Variants in FRRS1L observed in about 807,000 individuals in gnomAD.
The protein encoded by FRRS1L is DOMON domain-containing protein FRRS1L.
In FRRS1L, 22 loss-of-function variants were observed where a neutral mutation model predicts 28.6. The observed-to-expected ratio is 0.77, with a 90% CI of 0.55 to 1.10. FRRS1L has a LOEUF of 1.10. FRRS1L is among the 50% of genes least tolerant of loss of function. The probability of loss-of-function intolerance (pLI) is 0.00; values close to 1 mark genes in which losing one functional copy is unlikely to be tolerated. For missense variants in FRRS1L, 380 were observed against 386.9 expected (o/e 0.98, Z 0.15); for synonymous variants, 158 against 151.4 (o/e 1.04, Z -0.32).
chr9:109,165,804 A>G (rs553916868), intron 1 of FRRS1L, among the ~76,000 whole-genome samples: 1 of 152,126 alleles, frequency 6.6e-6, no homozygotes, highest in Admixed American at 6.5e-5. Flanking sequence ...TTCCTGCTTC[A>G]TTTTTCCCAC....
rs954559327 is a variant in FRRS1L, at chr9:109,136,233, C to T, written c.*1222G>A. 1.9e-5 allele frequency: 2 copies of T among 107,008 alleles called. No homozygotes were observed. The highest frequency in any genetic ancestry group is 5.2e-3 in the Middle Eastern group (1 of 192). The allele number at this position is 107,008 out of a possible 1,614,324, so 6.6% of individuals were successfully genotyped here. ...GGGCGACAAGAGGGAAAATTCATCG[C>T]AAAAAAAAAAAAAAATACATTTTTA... On this transcript the variant is annotated 3_prime_UTR_variant, in exon 5 of 5. Transcript: ENST00000561981.
intron 1 of FRRS1L, among the ~76,000 whole-genome samples, chr9:109,166,101 C>T (rs1327213208): frequency 1.3e-5 from 2 of 152,212 alleles, no homozygotes; most frequent in Non-Finnish European, 2.9e-5. Flanking sequence ...ACACTTCAAA[C>T]CCCAGCTTGA....
At chr9:109,146,027 C>T (rs748811907) in intron 3 of FRRS1L, among the ~76,000 whole-genome samples, 1 of 152,122 alleles carries the variant, frequency 6.6e-6, no homozygotes, top group Non-Finnish European at 1.5e-5. Context: ...GAAACCTCGT[C>T]TCTACTAAAA....
In FRRS1L at chr9:109,136,220, G is replaced by A. The variant is rs1246682124; in HGVS notation, c.*1235C>T. ...TGTACTCCAGCCTGGGCGACAAGAG[G>A]GAAAATTCATCGCAAAAAAAAAAAA... On this transcript the variant is annotated 3_prime_UTR_variant, in exon 5 of 5. Transcript: ENST00000561981. 2 of 149,968 alleles carry A rather than the reference G, an allele frequency of 1.3e-5. No individual in the cohort carries two copies. The highest frequency in any genetic ancestry group is 4.9e-5 in the African/African-American group (2 of 40,732). The allele number at this position is 149,968 out of a possible 1,614,324, so 9.3% of individuals were successfully genotyped here.
At chr9:109,142,558 C>T (rs1032765804) in intron 3 of FRRS1L, among the ~76,000 whole-genome samples, 1 of 152,082 alleles carries the variant, frequency 6.6e-6, no homozygotes, top group Admixed American at 6.6e-5. Flanking sequence ...TAGTGCCTGT[C>T]ATCCCAACAA....
chr9:109,144,474 C>T lies in FRRS1L; in HGVS notation c.462+2577G>A, dbSNP rs1831229038. 2.0e-5 allele frequency among the ~76,000 whole-genome samples: 3 copies of T among 152,028 alleles called. No homozygotes were observed. The South Asian group carries it at 6.2e-4, about 32-fold the overall frequency. ...CAACCTCTGCCTCCTAAGCAATTCT[C>T]ATGCCTCTGCCTTCTGAGTAGCTGG... On this transcript the variant is annotated intron_variant, in intron 3 of 4. Transcript: ENST00000561981.
At chr9:109,154,269 T>TGCA (rs1008188140) in intron 1 of FRRS1L, among the ~76,000 whole-genome samples, 3 of 152,224 alleles carry the variant, frequency 2.0e-5, no homozygotes, top group African/African-American at 7.2e-5. Context: ...GTAACTTTCC[T>TGCA]GAAGTTATTT....
At chr9:109,144,910 C>T (rs889121709) in intron 3 of FRRS1L, among the ~76,000 whole-genome samples, 1 of 152,152 alleles carries the variant, frequency 6.6e-6, no homozygotes, top group African/African-American at 2.4e-5. Context: ...TTCTCGAACT[C>T]CTGACCTCAG....
chr9:109,161,474 AT>A (rs1456951948), intron 1 of FRRS1L, among the ~76,000 whole-genome samples: 1 of 151,880 alleles, frequency 6.6e-6, no homozygotes, highest in Non-Finnish European at 1.5e-5. Context: ...AATTCGAGCC[AT>A]TTTTTTCTCT....
At chr9:109,166,698 C>T (rs900742218) in intron 1 of FRRS1L, among the ~76,000 whole-genome samples, 2 of 152,098 alleles carry the variant, frequency 1.3e-5, no homozygotes, top group Admixed American at 6.5e-5. Flanking sequence ...CAGGCATTGA[C>T]AGCTCTTTGG....
intron 1 of FRRS1L, among the ~76,000 whole-genome samples, chr9:109,159,002 AC>A (rs1321446196): frequency 6.6e-6 from 1 of 152,220 alleles, no homozygotes; most frequent in Non-Finnish European, 1.5e-5. Context: ...AAAAAAATCA[AC>A]CATCCTAGTG....
rs1831098539 is a variant in FRRS1L at position 109,135,227 on chromosome 9, T to G, written c.*2228A>C. The G allele has an allele frequency of 6.6e-6, 1 of 152,092 alleles. No individual in the cohort carries two copies. Among genetic ancestry groups the G allele is most frequent in the African/African-American group, 2.4e-5 (1 of 41,400 alleles). The allele number at this position is 152,092 out of a possible 1,614,324, so 9.4% of individuals were successfully genotyped here. ...TGCTCAATCATAAAGCCCACGAAGT[T>G]GGAACCAGCTTTAAAGCAACAAGGG... On this transcript the variant is annotated 3_prime_UTR_variant, in exon 5 of 5. Transcript: ENST00000561981.
At chr9:109,151,236 T>C (rs1461913176) in intron 1 of FRRS1L, 4 of 152,256 alleles carry the variant, frequency 2.6e-5, no homozygotes, top group Admixed American at 2.0e-4. Flanking sequence ...CTAAGTCCTA[T>C]ATCTGCTTCA....
At position 109,134,422 on chromosome 9, in the gene FRRS1L, G is replaced by A. The variant is rs554951889; in HGVS notation, c.*3033C>T. 1 of 152,334 alleles carries A rather than the reference G, an allele frequency of 6.6e-6. No homozygotes were observed. The highest frequency in any genetic ancestry group is 1.5e-5 in the Non-Finnish European group (1 of 68,046). The allele number at this position is 152,334 out of a possible 1,614,324, so 9.4% of individuals were successfully genotyped here. ...GAGATTTGGAGGAAAAAATATTTAA[G>A]TTGTGACCTGATAGGTGAATAGGAG... On this transcript the variant is annotated 3_prime_UTR_variant, in exon 5 of 5. Transcript: ENST00000561981.
At position 109,130,950 on chromosome 9, in the gene FRRS1L, C is replaced by T. The variant is rs1240123998; in HGVS notation, c.*6505G>A. Reference sequence around the variant, plus strand: ...CAAATATCCAGGGGAAAACTGAACACATTAATCAAGCAGCAGTGTGTTTTA... The same window carrying T: ...CAAATATCCAGGGGAAAACTGAACATATTAATCAAGCAGCAGTGTGTTTTA... On this transcript the variant is annotated 3_prime_UTR_variant, in exon 5 of 5. Transcript: ENST00000561981. 2 of 152,200 alleles carry T rather than the reference C, an allele frequency of 1.3e-5. No homozygotes were observed. Among genetic ancestry groups the T allele is most frequent in the Non-Finnish European group, 2.9e-5 (2 of 68,036 alleles). The allele number at this position is 152,200 out of a possible 1,614,324, so 9.4% of individuals were successfully genotyped here. A position where few individuals can be genotyped will look rare whatever the true frequency, so the allele number is the denominator to read the frequency against.
intron 1 of FRRS1L, among the ~76,000 whole-genome samples, chr9:109,163,800 T>C (rs1198425043): frequency 1.3e-4 from 20 of 152,178 alleles, no homozygotes; most frequent in Non-Finnish European, 5.9e-5. Context: ...TCAAGTGTAT[T>C]GATAGAATAA....
rs1282250231 is a variant in FRRS1L, at chr9:109,133,734, C to T, written c.*3721G>A. On this transcript the variant is annotated 3_prime_UTR_variant, in exon 5 of 5. Transcript: ENST00000561981. ...GTTAATTCATGTAAAGTGCTTAGAA[C>T]AGCACTAAATATATTTCACTAGCAT... 1 of 152,178 alleles carries T rather than the reference C, an allele frequency of 6.6e-6. No homozygotes were observed. The highest frequency in any genetic ancestry group is 2.4e-5 in the African/African-American group (1 of 41,444). 9.4% of individuals were successfully genotyped at this position (152,178 alleles called of 1,614,324 possible). A position where few individuals can be genotyped will look rare whatever the true frequency, so the allele number is the denominator to read the frequency against.
intron 1 of FRRS1L, among the ~76,000 whole-genome samples, chr9:109,166,643 C>T (rs1831553537): frequency 6.6e-6 from 1 of 152,002 alleles, no homozygotes; most frequent in Non-Finnish European, 1.5e-5. Context: ...CTTGGATGAC[C>T]CCTCCCTCTC....
At chr9:109,143,851 G>A (rs1564230065) in intron 3 of FRRS1L, among the ~76,000 whole-genome samples, 1 of 151,946 alleles carries the variant, frequency 6.6e-6, no homozygotes, top group Non-Finnish European at 1.5e-5. Context: ...TTTAAAAAGG[G>A]GTTCCATTTT....
Sources: allele counts gnomAD v4.1 joint callset (sites outside exome capture counted in the v4.1 genomes callset), GRCh38; gene constraint gnomAD v4.1.1; transcripts MANE v1.5; gene names NCBI Gene and HGNC (gene_info 2026-07-23, HGNC 2026-07-21).